MTUS2: variants seen among roughly 807,000 people sequenced by gnomAD.
MTUS2 encodes the protein microtubule-associated tumor suppressor candidate 2.
In MTUS2, 40 loss-of-function variants were observed where a neutral mutation model predicts 114.1. That is an observed-to-expected ratio of 0.35 (90% CI 0.27 to 0.46). MTUS2 has a LOEUF of 0.46. Ranked by LOEUF, MTUS2 falls within the 20% of genes least tolerant of loss-of-function variation. MTUS2 has a pLI of 1.00. For synonymous variants in MTUS2, 688 were observed against 672.0 expected, an observed-to-expected ratio of 1.02 and a Z score of -0.37; for missense variants, 1,679 against 1,705.4, an observed-to-expected ratio of 0.98 and a Z score of 0.27.
intron 6 of MTUS2, among the ~76,000 whole-genome samples, chr13:29,313,251 G>GA (rs1188012611): frequency 2.0e-5 from 3 of 150,308 alleles, no homozygotes; most frequent in Non-Finnish European, 3.0e-5. Flanking sequence ...AGTGACTGTG[G>GA]AAAAAAAAAG....
At chr13:29,191,562 G>A (rs537374424) in intron 5 of MTUS2, among the ~76,000 whole-genome samples, 74 of 152,186 alleles carry the variant, frequency 4.9e-4, no homozygotes, top group African/African-American at 1.7e-3. Context: ...TGCAAAGATG[G>A]GCTGGGGAAC....
intron 8 of MTUS2, among the ~76,000 whole-genome samples, chr13:29,396,620 C>A (rs1401265823): frequency 6.6e-6 from 1 of 152,190 alleles, no homozygotes; most frequent in Non-Finnish European, 1.5e-5. Flanking sequence ...TATAGTGTGG[C>A]TTAGGAGGCT....
chr13:29,409,830 A>G (rs1036403048), intron 8 of MTUS2, among the ~76,000 whole-genome samples: 4 of 148,200 alleles, frequency 2.7e-5, no homozygotes, highest in African/African-American at 1.0e-4. Context: ...ATAGTACTCC[A>G]TTGAGTGACT....
intron 2 of MTUS2, among the ~76,000 whole-genome samples, chr13:28,970,451 A>G (rs1245946168): frequency 6.6e-6 from 1 of 152,214 alleles, no homozygotes; most frequent in East Asian, 1.9e-4. Context: ...ACCATCGTTC[A>G]TTCATGCGTT....
At chr13:29,492,772 T>A (rs1362241050) in intron 12 of MTUS2, 53 bp downstream of exon 12, 1 of 1,368,446 alleles carries the variant, frequency 7.3e-7, no homozygotes, top group Non-Finnish European at 1.0e-6. Context: ...GCAGCATCAT[T>A]ATTCCCACCC....
chr13:29,438,769 T>G (rs1190387015), intron 8 of MTUS2, among the ~76,000 whole-genome samples: 1 of 152,128 alleles, frequency 6.6e-6, no homozygotes, highest in African/African-American at 2.4e-5. Context: ...AATTTTTGAC[T>G]CCCACAATGA....
chr13:29,120,601 A>C (rs1019822843), intron 5 of MTUS2, among the ~76,000 whole-genome samples: 10 of 152,170 alleles, frequency 6.6e-5, no homozygotes, highest in African/African-American at 1.7e-4. Context: ...TTTTTTGGAA[A>C]TATATCGCCA....
intron 5 of MTUS2, among the ~76,000 whole-genome samples, chr13:29,148,839 A>T (rs1037308490): frequency 1.3e-5 from 2 of 151,550 alleles, no homozygotes; most frequent in African/African-American, 4.8e-5. Context: ...AGCTCCACCC[A>T]TGTCCCTGCA....
At chr13:29,310,126 A>G (rs1899684260) in intron 6 of MTUS2, among the ~76,000 whole-genome samples, 2 of 152,064 alleles carry the variant, frequency 1.3e-5, no homozygotes, top group Non-Finnish European at 1.5e-5. Flanking sequence ...CCATGAGTTC[A>G]GTTGTGTTAG....
chr13:28,877,177 G>A (rs958418795), intron 2 of MTUS2, among the ~76,000 whole-genome samples: 1 of 151,144 alleles, frequency 6.6e-6, no homozygotes, highest in Non-Finnish European at 1.5e-5. Context: ...AATTAGCTGG[G>A]CGTGGTGGCG....
chr13:29,017,958 C>T (rs1886135783), intron 2 of MTUS2, among the ~76,000 whole-genome samples: 1 of 152,208 alleles, frequency 6.6e-6, no homozygotes, highest in East Asian at 1.9e-4. Flanking sequence ...TTTAGATGTA[C>T]GTGGCTATGA....
chr13:29,007,342 A>G (rs1026155428), intron 2 of MTUS2, among the ~76,000 whole-genome samples: 14 of 152,152 alleles, frequency 9.2e-5, no homozygotes, highest in Non-Finnish European at 1.6e-4. Flanking sequence ...GAGGCAACAG[A>G]TATCAAATAA....
At chr13:29,009,503 T>C (rs893609562) in intron 2 of MTUS2, among the ~76,000 whole-genome samples, 7 of 152,186 alleles carry the variant, frequency 4.6e-5, no homozygotes, top group African/African-American at 1.2e-4. Flanking sequence ...TATATTGATA[T>C]GACATTCTGG....
intron 7 of MTUS2, among the ~76,000 whole-genome samples, chr13:29,350,949 TATATATATTTC>T (rs1047421478): frequency 9.7e-6 from 1 of 102,794 alleles, no homozygotes; most frequent in Non-Finnish European, 2.1e-5. Flanking sequence ...AATTAGGGCA[TATATATATTTC>T]ATATATATAT....
intron 6 of MTUS2, among the ~76,000 whole-genome samples, chr13:29,324,025 G>C (rs900355424): frequency 1.3e-5 from 2 of 152,178 alleles, no homozygotes; most frequent in Admixed American, 1.3e-4. Context: ...CACAATATGA[G>C]GAGCGTCCAC....
At chr13:29,324,321 T>G (rs1407059696) in intron 6 of MTUS2, among the ~76,000 whole-genome samples, 1 of 152,120 alleles carries the variant, frequency 6.6e-6, no homozygotes, top group Non-Finnish European at 1.5e-5. Flanking sequence ...GATAGTTTGG[T>G]CAGGGTCATT....
chr13:29,375,882 T>TTGGGTACAATG (rs1871683518), intron 8 of MTUS2, among the ~76,000 whole-genome samples: 1 of 151,412 alleles, frequency 6.6e-6, no homozygotes, highest in African/African-American at 2.4e-5. Context: ...ATACTACATA[T>TTGGGTACAATG]TGGGTACAAT....
At chr13:29,421,489 C>T (rs1279294564) in intron 8 of MTUS2, among the ~76,000 whole-genome samples, 1 of 152,200 alleles carries the variant, frequency 6.6e-6, no homozygotes, top group Non-Finnish European at 1.5e-5. Flanking sequence ...CCAAGGTTCA[C>T]AAACTGCATA....
intron 4 of MTUS2, among the ~76,000 whole-genome samples, chr13:29,056,436 T>G (rs773306023): frequency 1.3e-5 from 2 of 152,038 alleles, no homozygotes; most frequent in African/African-American, 2.4e-5. Flanking sequence ...ATTTATACAT[T>G]GTTTAGAATT....
Sources: gnomAD v4.1 joint callset for allele counts (sites outside exome capture counted in the v4.1 genomes callset) on GRCh38, gnomAD v4.1.1 for gene constraint, MANE v1.5 for transcripts, NCBI Gene and HGNC (gene_info 2026-07-23, HGNC 2026-07-21) for gene names.